ACYP2: variants seen among roughly 807,000 people sequenced by gnomAD.
The protein encoded by ACYP2 is acylphosphatase 2.
Under a neutral mutation model 11.2 loss-of-function variants are expected in ACYP2, and 12 were observed. The ratio of observed to expected loss-of-function variants is 1.08; its 90% confidence interval spans 0.69 to 1.74. ACYP2 has a LOEUF of 1.74. Among genes scored for constraint, ACYP2 ranks in the 40% most tolerant of loss-of-function variants. The pLI is 0.00. For synonymous variants in ACYP2, 43 were observed against 32.2 expected (o/e 1.33, Z -1.13); for missense variants, 134 against 101.9 (o/e 1.31, Z -1.35).
At chr2:54,274,330 TG>T (rs936920915) in intron 6 of ACYP2, among the ~76,000 whole-genome samples, 21 of 151,994 alleles carry the variant, frequency 1.4e-4, no homozygotes, top group African/African-American at 5.1e-4. Context: ...CTATGACACA[TG>T]AGAGTTGTGG....
At chr2:54,110,035 G>A (rs934864172) in intron 4 of ACYP2, among the ~76,000 whole-genome samples, 1 of 152,118 alleles carries the variant, frequency 6.6e-6, no homozygotes, top group African/African-American at 2.4e-5. Flanking sequence ...GGCTTTCTCT[G>A]TTTCTGATGA....
At position 54,100,303 on chromosome 2, in the gene ACYP2, CTT is replaced by C. The variant is rs201503798; in HGVS notation, c.278-35134_278-35133del. On this transcript the variant is annotated intron_variant, in intron 4 of 6. Transcript: ENST00000607452. ...AGTTTTATGTTAAAATATATACTTCCTTTTTTTTTTTTTTTTTGAGACAAAGT... is the reference window on the plus strand; with the variant it reads ...AGTTTTATGTTAAAATATATACTTCCTTTTTTTTTTTTTTTGAGACAAAGT... Among the ~76,000 whole-genome samples the C allele has an allele frequency of 2.8e-3, 370 of 132,436 alleles. 1 individual carries two copies. The highest frequency in any genetic ancestry group is 7.8e-3 in the African/African-American group (271 of 34,784). 86.9% of individuals were successfully genotyped at this position (132,436 alleles called of 152,430 possible). A position where few individuals can be genotyped will look rare whatever the true frequency, so the allele number is the denominator to read the frequency against.
chr2:53,980,719 C>G (rs1033078126), intron 2 of ACYP2, among the ~76,000 whole-genome samples: 4 of 152,016 alleles, frequency 2.6e-5, no homozygotes, highest in African/African-American at 9.7e-5. Flanking sequence ...GTCCTACAGA[C>G]TCCATTCATG....
At chr2:54,051,775 T>C (rs1156726234) in intron 3 of ACYP2, 8 of 492,298 alleles carry the variant, frequency 1.6e-5, no homozygotes, top group Middle Eastern at 5.7e-4. Context: ...CCAGGCTCAG[T>C]GGCTCACACC....
At chr2:54,160,765 A>G (rs1017607571) in intron 6 of ACYP2, among the ~76,000 whole-genome samples, 1 of 152,192 alleles carries the variant, frequency 6.6e-6, no homozygotes, top group African/African-American at 2.4e-5. Flanking sequence ...TCTGTCAGCA[A>G]TGGGGAGTCG....
intron 2 of ACYP2, among the ~76,000 whole-genome samples, chr2:53,974,026 C>T (rs1455058436): frequency 5.3e-5 from 8 of 150,610 alleles, no homozygotes; most frequent in African/African-American, 7.3e-5. Context: ...TCTGCCTCAG[C>T]GCCTCGAGTA....
At position 54,051,050 on chromosome 2, in the gene ACYP2, G is replaced by A. The variant is rs1422820539; in HGVS notation, c.155G>A (p.Ser52Asn). 2 of 501,932 alleles carry A rather than the reference G, an allele frequency of 4.0e-6. No individual in the cohort carries two copies. Among genetic ancestry groups the A allele is most frequent in the African/African-American group, 2.0e-5 (1 of 50,638 alleles). 31.1% of individuals were successfully genotyped at this position (501,932 alleles called of 1,614,324 possible). A position where few individuals can be genotyped will look rare whatever the true frequency, so the allele number is the denominator to read the frequency against. Residue 52 changes from serine (S) to asparagine (N), a missense_variant and splice_region_variant, in exon 3 of 7, where the codon AGC (serine) becomes AAC (asparagine). By Grantham distance (46) the Ser-to-Asn change is conservative (BLOSUM62 1). Transcript: ENST00000607452. Reference sequence around the variant, plus strand: ...GGCCTCCCATGCTGTTGGGATTACAGGTGAGAACCACCGTCCTTGGTCACA... The same window carrying A: ...GGCCTCCCATGCTGTTGGGATTACAAGTGAGAACCACCGTCCTTGGTCACA...
intron 4 of ACYP2, among the ~76,000 whole-genome samples, chr2:54,079,098 C>T (rs548784766): frequency 6.6e-6 from 1 of 152,316 alleles, no homozygotes; most frequent in East Asian, 1.9e-4. Context: ...AATGAAGAGA[C>T]TGTCTCAGTG....
At chr2:53,977,919 A>G (rs1671573357) in intron 2 of ACYP2, among the ~76,000 whole-genome samples, 1 of 152,054 alleles carries the variant, frequency 6.6e-6, no homozygotes, top group South Asian at 2.1e-4. Flanking sequence ...TGTTTAATAC[A>G]ACCATTCCTG....
At position 54,305,140 on chromosome 2, in the gene ACYP2, A is replaced by C. The variant is rs1689870432; in HGVS notation, c.*338A>C. The C allele has an allele frequency of 1.2e-5, 2 of 163,272 alleles. No individual in the cohort carries two copies. The highest frequency in any genetic ancestry group is 3.9e-4 in the South Asian group (2 of 5,086). The allele number at this position is 163,272 out of a possible 1,614,324, so 10.1% of individuals were successfully genotyped here. A position where few individuals can be genotyped will look rare whatever the true frequency, so the allele number is the denominator to read the frequency against. On this transcript the variant is annotated 3_prime_UTR_variant, in exon 7 of 7. Coordinates refer to ENST00000607452, the MANE Select transcript of ACYP2 (RefSeq NM_001320586.2). Reference sequence around the variant, plus strand: ...CATCAAATAAAGTTAACCATTTAAAAATTATTTTCATATACTGTTGTCTAT... The same window carrying C: ...CATCAAATAAAGTTAACCATTTAAACATTATTTTCATATACTGTTGTCTAT...
intron 6 of ACYP2, among the ~76,000 whole-genome samples, chr2:54,178,081 T>G (rs1431070833): frequency 6.6e-6 from 1 of 151,650 alleles, no homozygotes; most frequent in East Asian, 1.9e-4. Context: ...ATTTTTTATA[T>G]TTTTGCTAGA....
At chr2:54,211,500 ACCTAGTTT>A (rs1325413344) in intron 6 of ACYP2, among the ~76,000 whole-genome samples, 1 of 152,174 alleles carries the variant, frequency 6.6e-6, no homozygotes, top group Admixed American at 6.5e-5. Context: ...ATCCTGATCT[ACCTAGTTT>A]GGTTTAAAGT....
chr2:54,022,077 A>G (rs1021327674), intron 2 of ACYP2, among the ~76,000 whole-genome samples: 4 of 152,178 alleles, frequency 2.6e-5, no homozygotes, highest in East Asian at 1.9e-4. Context: ...TTTCAAATCT[A>G]TAGAAAAGTT....
intron 4 of ACYP2, among the ~76,000 whole-genome samples, chr2:54,062,860 GA>G (rs1676540967): frequency 6.6e-6 from 1 of 152,120 alleles, no homozygotes; most frequent in African/African-American, 2.4e-5. Flanking sequence ...GAACAAAAAA[GA>G]AAAAACAGGA....
chr2:54,201,636 CTCTTTCTTTCTT>C (rs1553391343), intron 6 of ACYP2, among the ~76,000 whole-genome samples: 6 of 93,696 alleles, frequency 6.4e-5, no homozygotes, highest in Admixed American at 1.1e-4. Flanking sequence ...TTCTTTCTTT[CTCTTTCTTTCTT>C]TCTTTCTTTC....
chr2:54,248,553 T>A (rs1326827207), intron 6 of ACYP2, among the ~76,000 whole-genome samples: 1 of 152,110 alleles, frequency 6.6e-6, no homozygotes, highest in Non-Finnish European at 1.5e-5. Context: ...ATAGGAAGCC[T>A]TCCCTAAACT....
In ACYP2 at chr2:54,201,682, C is replaced by CTTTCTG. The variant is rs60217019; in HGVS notation, c.404+62935_404+62936insTTCTGT. 1.4e-3 allele frequency among the ~76,000 whole-genome samples: 150 copies of CTTTCTG among 110,574 alleles called. 1 individual carries two copies. The highest frequency in any genetic ancestry group is 1.7e-3 in the Non-Finnish European group (90 of 53,736). 72.5% of individuals were successfully genotyped at this position (110,574 alleles called of 152,430 possible). A position where few individuals can be genotyped will look rare whatever the true frequency, so the allele number is the denominator to read the frequency against. ...TCTTTCTTTCTTTCTTTCTTTCTTT[C>CTTTCTG]TCTCTCTCTCTCTCTCTTTTTTCTT... is the stretch of plus-strand genomic sequence containing the variant. On this transcript the variant is annotated intron_variant, in intron 6 of 6. Transcript: ENST00000607452.
intron 6 of ACYP2, among the ~76,000 whole-genome samples, chr2:54,295,657 A>C (rs1276669088): frequency 6.6e-6 from 1 of 151,976 alleles, no homozygotes; most frequent in Non-Finnish European, 1.5e-5. Flanking sequence ...TTTGTAATTG[A>C]CCTATGATTG....
intron 6 of ACYP2, among the ~76,000 whole-genome samples, chr2:54,176,407 C>A (rs80328132): frequency 1.3e-5 from 2 of 152,166 alleles, no homozygotes; most frequent in Non-Finnish European, 2.9e-5. Flanking sequence ...AATAGAACGA[C>A]CAAGTGTCTC....
Sources: allele counts gnomAD v4.1 joint callset (sites outside exome capture counted in the v4.1 genomes callset), GRCh38; gene constraint gnomAD v4.1.1; transcripts MANE v1.5; gene names NCBI Gene and HGNC (gene_info 2026-07-23, HGNC 2026-07-21).